The following ELMO1 variants were observed in gnomAD, a reference collection of about 807,000 sequenced individuals.
ELMO1 encodes engulfment and cell motility protein 1.
A neutral mutation model predicts 98.9 loss-of-function variants in ELMO1; 26 were observed. The observed-to-expected ratio is 0.26, with a 90% CI of 0.19 to 0.36. The LOEUF is 0.36. Ranked by LOEUF, ELMO1 falls within the 10% of genes least tolerant of loss-of-function variation. ELMO1 has a pLI of 1.00. For synonymous variants in ELMO1, 346 were observed against 346.0 expected (o/e 1.00, Z 0.00); for missense variants, 627 against 935.2 (o/e 0.67, Z 4.30).
At chr7:37,349,507 G>A (rs1234056746) in intron 1 of ELMO1, among the ~76,000 whole-genome samples, 1 of 152,060 alleles carries the variant, frequency 6.6e-6, no homozygotes, top group Admixed American at 6.5e-5. Flanking sequence ...AGGCTGGAGT[G>A]CAGTGGCACA....
intron 15 of ELMO1, among the ~76,000 whole-genome samples, chr7:37,086,281 T>A (rs1783764958): frequency 6.6e-6 from 1 of 152,158 alleles, no homozygotes; most frequent in Non-Finnish European, 1.5e-5. Flanking sequence ...GTTATATTTT[T>A]TAAAACAATT....
intron 16 of ELMO1, among the ~76,000 whole-genome samples, chr7:36,917,881 A>G (rs1199849067): frequency 2.0e-5 from 3 of 152,208 alleles, no homozygotes; most frequent in African/African-American, 7.2e-5. Flanking sequence ...AAATGCAGAC[A>G]ATGAAATATT....
intron 6 of ELMO1, among the ~76,000 whole-genome samples, chr7:37,258,554 C>T (rs1376401763): frequency 6.6e-6 from 1 of 152,152 alleles, no homozygotes; most frequent in Non-Finnish European, 1.5e-5. Context: ...CCATCAATTT[C>T]TGGAAGGCAA....
intron 7 of ELMO1, among the ~76,000 whole-genome samples, chr7:37,241,007 C>T (rs1364019266): frequency 1.3e-5 from 2 of 151,996 alleles, no homozygotes; most frequent in Non-Finnish European, 2.9e-5. Flanking sequence ...TCATCTATAT[C>T]CTTAACATTT....
At chr7:37,229,545 T>C (rs1042266458) in intron 8 of ELMO1, among the ~76,000 whole-genome samples, 2 of 152,146 alleles carry the variant, frequency 1.3e-5, no homozygotes, top group Non-Finnish European at 2.9e-5. Context: ...TTGGCATTAA[T>C]AGGAAGCCAA....
intron 1 of ELMO1, among the ~76,000 whole-genome samples, chr7:37,344,995 T>TGCTCAGTAATCTG (rs1210662440): frequency 3.3e-5 from 5 of 152,068 alleles, no homozygotes; most frequent in Admixed American, 6.6e-5. Flanking sequence ...ACTGAGACAA[T>TGCTCAGTAATCTG]AGAGATAGCA....
intron 14 of ELMO1, among the ~76,000 whole-genome samples, chr7:37,129,958 G>T (rs2541088): frequency 0.28 from 42,570 of 151,918 alleles, 8,363 homozygotes; most frequent in African/African-American, 0.56. Context: ...GAACAAAGCA[G>T]GCACCATTGT....
At chr7:37,124,340 C>T (rs7784858) in intron 14 of ELMO1, among the ~76,000 whole-genome samples, 3 of 151,912 alleles carry the variant, frequency 2.0e-5, no homozygotes, top group Non-Finnish European at 2.9e-5. Context: ...AGAGGAAGTC[C>T]AATTGTCCCT....
chr7:37,368,955 T>C (rs1802006225), intron 1 of ELMO1, among the ~76,000 whole-genome samples: 1 of 152,226 alleles, frequency 6.6e-6, no homozygotes, highest in Non-Finnish European at 1.5e-5. Flanking sequence ...TTTGTCAGTA[T>C]ATTTTCAGCA....
intron 1 of ELMO1, among the ~76,000 whole-genome samples, chr7:37,421,148 A>G (rs1192018119): frequency 6.6e-6 from 1 of 152,254 alleles, no homozygotes; most frequent in African/African-American, 2.4e-5. Flanking sequence ...CAAACACTTT[A>G]GAATCCTGAG....
At chr7:36,857,514 C>T (rs1343848203) in intron 21 of ELMO1, among the ~76,000 whole-genome samples, 2 of 152,188 alleles carry the variant, frequency 1.3e-5, no homozygotes, top group Admixed American at 1.3e-4. Context: ...CCAGGCCTGG[C>T]TAGCTTCCTA....
intron 14 of ELMO1, among the ~76,000 whole-genome samples, chr7:37,104,886 C>T (rs1483813236): frequency 1.3e-5 from 2 of 151,338 alleles, no homozygotes; most frequent in African/African-American, 4.8e-5. Context: ...CACAGGGAAC[C>T]AAGATAAATA....
chr7:37,085,151 A>T (rs574000473), intron 15 of ELMO1, among the ~76,000 whole-genome samples: 1 of 152,176 alleles, frequency 6.6e-6, no homozygotes, highest in Non-Finnish European at 1.5e-5. Context: ...CCACCAGGTA[A>T]ATCTTTACAA....
chr7:37,194,382 T>C (rs1044053417), intron 13 of ELMO1, among the ~76,000 whole-genome samples: 1 of 152,178 alleles, frequency 6.6e-6, no homozygotes, highest in African/African-American at 2.4e-5. Context: ...ACACTCCCCA[T>C]ATCCAATCTG....
At chr7:37,035,509 C>A (rs113779362) in intron 15 of ELMO1, among the ~76,000 whole-genome samples, 2,916 of 152,304 alleles carry the variant, frequency 0.019, 24 homozygotes, top group Middle Eastern at 0.048. Context: ...AAACAGCTTC[C>A]TGAATTTCCT....
At chr7:36,971,725 G>T (rs1431016697) in intron 16 of ELMO1, among the ~76,000 whole-genome samples, 1 of 152,186 alleles carries the variant, frequency 6.6e-6, no homozygotes, top group Admixed American at 6.5e-5. Context: ...TTAGCTCAAA[G>T]GGTAAAAAGA....
chr7:36,947,107 C>T (rs978820845), intron 16 of ELMO1, among the ~76,000 whole-genome samples: 1 of 152,194 alleles, frequency 6.6e-6, no homozygotes, highest in African/African-American at 2.4e-5. Context: ...GGTAGTTTTT[C>T]CAACCTTGCC....
At chr7:37,392,598 C>T (rs1803128385) in intron 1 of ELMO1, among the ~76,000 whole-genome samples, 1 of 152,228 alleles carries the variant, frequency 6.6e-6, no homozygotes, top group South Asian at 2.1e-4. Context: ...TCTTCCACAT[C>T]TGCTGCCAGG....
chr7:37,014,048 G>A (rs768388159), intron 15 of ELMO1, among the ~76,000 whole-genome samples: 1 of 152,062 alleles, frequency 6.6e-6, no homozygotes, highest in East Asian at 1.9e-4. Context: ...CTTTGAAGGC[G>A]GCAACTGGTC....
Sources: allele counts gnomAD v4.1 joint callset (sites outside exome capture counted in the v4.1 genomes callset), GRCh38; gene constraint gnomAD v4.1.1; transcripts MANE v1.5; gene names NCBI Gene and HGNC (gene_info 2026-07-23, HGNC 2026-07-21).